The following C2CD3 variants were observed in gnomAD, a reference collection of about 807,000 sequenced individuals.
The protein encoded by C2CD3 is C2 domain-containing protein 3.
A neutral mutation model predicts 234.0 loss-of-function variants in C2CD3; 148 were observed. That is an observed-to-expected ratio of 0.63 (90% CI 0.55 to 0.72). C2CD3 has a LOEUF of 0.72. Ranked by LOEUF, C2CD3 falls within the 30% of genes least tolerant of loss-of-function variation. The pLI, the probability that C2CD3 is intolerant of heterozygous loss-of-function variation, is 0.00. For missense variants in C2CD3, 2,577 were observed against 2,811.5 expected (o/e 0.92, Z 1.89); for synonymous variants, 1,000 against 1,035.4 (o/e 0.97, Z 0.66).
intron 24 of C2CD3, among the ~76,000 whole-genome samples, chr11:74,059,545 G>A (rs1954127829): frequency 6.6e-6 from 1 of 151,892 alleles, no homozygotes; most frequent in African/African-American, 2.4e-5. Context: ...TACTCCTCCA[G>A]GGGCCTCAGT....
chr11:74,071,506 T>TG (rs1954790759), intron 24 of C2CD3, among the ~76,000 whole-genome samples: 1 of 152,196 alleles, frequency 6.6e-6, no homozygotes, highest in Non-Finnish European at 1.5e-5. Context: ...CAGAGCGCAT[T>TG]AACTATGTAA....
chr11:74,097,542 G>T (rs1415630995), intron 16 of C2CD3, among the ~76,000 whole-genome samples: 1 of 152,200 alleles, frequency 6.6e-6, no homozygotes, highest in African/African-American at 2.4e-5. Context: ...AGTTGTTAGG[G>T]AAATAAACAT....
intron 31 of C2CD3, among the ~76,000 whole-genome samples, chr11:74,032,396 G>A (rs990147038): frequency 6.6e-6 from 1 of 152,108 alleles, no homozygotes; most frequent in Non-Finnish European, 1.5e-5. Flanking sequence ...TTAGGCTACA[G>A]GTGTGAAGGC....
chr11:74,116,789 T>C (rs1384969411), intron 9 of C2CD3, among the ~76,000 whole-genome samples: 10 of 145,368 alleles, frequency 6.9e-5, no homozygotes, highest in Non-Finnish European at 1.2e-4. Context: ...TGTATATATA[T>C]ACACACACAC....
intron 28 of C2CD3, among the ~76,000 whole-genome samples, chr11:74,043,812 A>G (rs769581309): frequency 6.6e-6 from 1 of 151,910 alleles, no homozygotes; most frequent in Non-Finnish European, 1.5e-5. Context: ...GCTTTTTATT[A>G]TTGAGTTGTA....
At chr11:74,048,778 A>G (rs997076648) in intron 27 of C2CD3, among the ~76,000 whole-genome samples, 12 of 152,226 alleles carry the variant, frequency 7.9e-5, no homozygotes, top group African/African-American at 2.7e-4. Context: ...TCCAGTATTT[A>G]TGGATGACCA....
At chr11:74,056,901 ATT>A (rs3076367) in intron 25 of C2CD3, among the ~76,000 whole-genome samples, 10,755 of 136,766 alleles carry the variant, frequency 0.079, 1,153 homozygotes, top group African/African-American at 0.26. Context: ...CTTTATTGTA[ATT>A]TTTTTTTTTT....
intron 24 of C2CD3, among the ~76,000 whole-genome samples, chr11:74,071,188 C>A (rs1366974916): frequency 6.6e-6 from 1 of 152,230 alleles, no homozygotes; most frequent in Non-Finnish European, 1.5e-5. Context: ...AACATAATGT[C>A]CTCCTGTTTT....
intron 11 of C2CD3, among the ~76,000 whole-genome samples, chr11:74,110,333 A>C (rs1956698305): frequency 6.6e-6 from 1 of 152,196 alleles, no homozygotes; most frequent in Non-Finnish European, 1.5e-5. Flanking sequence ...CATTCATTCA[A>C]ATGACCCATT....
At chr11:74,044,894 T>C (rs564642329) in intron 28 of C2CD3, among the ~76,000 whole-genome samples, 22 of 146,736 alleles carry the variant, frequency 1.5e-4, no homozygotes, top group Non-Finnish European at 2.9e-4. Flanking sequence ...ATTTTGTTCT[T>C]TTTTTTTTTT....
chr11:74,071,705 TATGCCAA>T (rs1013956996), intron 24 of C2CD3, among the ~76,000 whole-genome samples: 9 of 152,228 alleles, frequency 5.9e-5, no homozygotes, highest in African/African-American at 2.2e-4. Context: ...ACTTATTCAG[TATGCCAA>T]ATCTGAAAAT....
At chr11:74,109,192 C>T in intron 11 of C2CD3, 40 bp from the exon 12 acceptor site, 1 of 1,023,338 alleles carries the variant, frequency 9.8e-7, no homozygotes, top group East Asian at 2.8e-5. Flanking sequence ...TCACACCACC[C>T]AACTGAAGTC....
chr11:74,057,171 C>T (rs1266888248), intron 25 of C2CD3, among the ~76,000 whole-genome samples: 5 of 152,130 alleles, frequency 3.3e-5, no homozygotes, highest in Non-Finnish European at 7.4e-5. Context: ...ACAGAGAGGT[C>T]CTCTCACTGA....
Position 74,059,928 on chromosome 11 carries a change from A to C in C2CD3, c.4952-2384T>G, listed in dbSNP as rs113754710. Among the ~76,000 whole-genome samples the C allele has an allele frequency of 5.2e-3, 796 of 152,262 alleles. 13 individuals are homozygous for C. The East Asian group carries it at 0.065, about 12-fold the overall frequency. On this transcript the variant is annotated intron_variant, in intron 24 of 32. Transcript: ENST00000334126. The stretch of plus-strand genomic sequence containing the variant: ...CAGGATACTCCCACCCTAATACTGC[A>C]CTTTTCCAACGGCCTTAGCAAACGG...
At chr11:74,052,429 T>A (rs934823546) in intron 26 of C2CD3, among the ~76,000 whole-genome samples, 1 of 152,202 alleles carries the variant, frequency 6.6e-6, no homozygotes, top group Non-Finnish European at 1.5e-5. Flanking sequence ...TGAAGTGATT[T>A]AATTCGGGCC....
At chr11:74,068,828 G>A (rs554979143) in intron 24 of C2CD3, among the ~76,000 whole-genome samples, 7 of 152,258 alleles carry the variant, frequency 4.6e-5, no homozygotes, top group African/African-American at 1.4e-4. Flanking sequence ...TTGAGACGGA[G>A]TCTCACTCAC....
At chr11:74,037,025 T>G (rs2135416352) in intron 30 of C2CD3, among the ~76,000 whole-genome samples, 1 of 152,330 alleles carries the variant, frequency 6.6e-6, no homozygotes, top group East Asian at 1.9e-4. Flanking sequence ...CAGAATCATC[T>G]AGGGTGCTTG....
At chr11:74,076,975 T>C (rs533492178) in intron 23 of C2CD3, among the ~76,000 whole-genome samples, 1 of 152,316 alleles carries the variant, frequency 6.6e-6, no homozygotes, top group African/African-American at 2.4e-5. Flanking sequence ...GGTTAGGAAC[T>C]AGTTCTTACT....
intron 9 of C2CD3, among the ~76,000 whole-genome samples, chr11:74,117,264 C>A (rs1232393446): frequency 5.6e-5 from 7 of 124,002 alleles, no homozygotes; most frequent in Non-Finnish European, 1.0e-4. Flanking sequence ...TGTGCCACTG[C>A]ACTCCAGCCT....
Sources: allele counts gnomAD v4.1 joint callset (sites outside exome capture counted in the v4.1 genomes callset), GRCh38; gene constraint gnomAD v4.1.1; transcripts MANE v1.5; gene names NCBI Gene and HGNC (gene_info 2026-07-23, HGNC 2026-07-21).